MARK2: variants seen among roughly 807,000 people sequenced by gnomAD.
MARK2 encodes microtubule affinity regulating kinase 2.
A neutral mutation model predicts 89.8 loss-of-function variants in MARK2; 16 were observed. The observed-to-expected ratio is 0.18, with a 90% CI of 0.12 to 0.27. The LOEUF is 0.27. Ranked by LOEUF, MARK2 falls within the 10% of genes least tolerant of loss-of-function variation. MARK2 has a pLI of 1.00. For synonymous variants in MARK2, 382 were observed against 399.5 expected, an observed-to-expected ratio of 0.96 and a Z score of 0.52; for missense variants, 621 against 1,049.9, an observed-to-expected ratio of 0.59 and a Z score of 5.65.
chr11:63,891,409 A>G (rs1836498591), intron 1 of MARK2, among the ~76,000 whole-genome samples: 1 of 152,214 alleles, frequency 6.6e-6, no homozygotes. Flanking sequence ...AAGCTCCTTG[A>G]GGCCCACTTG....
chr11:63,844,797 C>A (rs1201284329), intron 1 of MARK2, among the ~76,000 whole-genome samples: 1 of 152,222 alleles, frequency 6.6e-6, no homozygotes, highest in Non-Finnish European at 1.5e-5. Context: ...CAACCCAATT[C>A]TCAGTGGGCA....
Position 63,903,231 on chromosome 11 carries a change from C to A in MARK2, c.1514+73C>A. 8.6e-7 allele frequency: 1 copy of A among 1,162,620 alleles called. No homozygotes were observed. The allele number at this position is 1,162,620 out of a possible 1,614,324, so 72.0% of individuals were successfully genotyped here. ...CACAGGGTGATGTCTGTCAGCAGCA[C>A]CGTCTCCTGTCCCTGCCAGCGCATT... is the stretch of plus-strand genomic sequence containing the variant. On this transcript the variant is annotated intron_variant, in intron 14 of 18. Coordinates refer to ENST00000402010, the MANE Select transcript of MARK2 (RefSeq NM_001039469.3). The surrounding 1 kb of genome is among the most constrained non-coding windows in gnomAD (Gnocchi z 5.1).
At chr11:63,899,350 C>G (rs1002408718) in intron 7 of MARK2, among the ~76,000 whole-genome samples, 2 of 152,014 alleles carry the variant, frequency 1.3e-5, no homozygotes, top group Admixed American at 6.6e-5. Flanking sequence ...AGCAGGGGCC[C>G]TCTGCCATTT....
intron 3 of MARK2, among the ~76,000 whole-genome samples, chr11:63,896,699 CA>C (rs1008011262): frequency 1.3e-5 from 2 of 152,158 alleles, no homozygotes; most frequent in African/African-American, 4.8e-5. Flanking sequence ...GGGATCCCTT[CA>C]AGGGTTCTTC....
chr11:63,886,054 G>A (rs533843702), intron 1 of MARK2, among the ~76,000 whole-genome samples: 5 of 149,870 alleles, frequency 3.3e-5, no homozygotes, highest in African/African-American at 7.4e-5. Context: ...ACTTGAACCC[G>A]GGAAGCAGAG....
chr11:63,902,676 C>T lies in MARK2; in HGVS notation c.1310C>T (p.Pro437Leu). 1 of 1,614,142 alleles carries T rather than the reference C, an allele frequency of 6.2e-7. No individual in the cohort carries two copies. The highest frequency in any genetic ancestry group is 8.5e-7 in the Non-Finnish European group (1 of 1,180,004). Reference sequence around the variant, plus strand: ...AGTAACAACGCAGAAAATAAGCGGCCTGAGGAGGACCGGGAGTCAGGGCGG... The same window carrying T: ...AGTAACAACGCAGAAAATAAGCGGCTTGAGGAGGACCGGGAGTCAGGGCGG... ...TQSNNAENKR[P>L]EEDRESGRKA... The change falls in exon 13 of 19, where the codon CCT becomes CTT. Residue 437 changes from proline to leucine, a missense_variant. Pro to Leu is a moderately conservative substitution (Grantham distance 98). Coordinates refer to ENST00000402010, the MANE Select transcript of MARK2 (RefSeq NM_001039469.3). This position sits in a 1 kb window ranked among gnomAD's most constrained non-coding sequence, Gnocchi z 4.2.
At chr11:63,897,737 TA>T (rs1010265312) in intron 3 of MARK2, among the ~76,000 whole-genome samples, 2 of 152,124 alleles carry the variant, frequency 1.3e-5, no homozygotes, top group African/African-American at 4.8e-5. Flanking sequence ...GTCACCACCC[TA>T]GAGGCCCAGG....
intron 1 of MARK2, among the ~76,000 whole-genome samples, chr11:63,847,658 T>C (rs138473598): frequency 1.3e-5 from 2 of 152,348 alleles, no homozygotes; most frequent in Non-Finnish European, 2.9e-5. Flanking sequence ...AAACACTGAA[T>C]GGGTCTCTGA....
In MARK2 at chr11:63,904,700, G is replaced by A; in HGVS notation, c.1677-86G>A. The stretch of plus-strand genomic sequence containing the variant: ...CCTCTGCCCTAGCATCCCCCTCCCT[G>A]TCCCCACCACAGGGTGTCCAGGTGC... On this transcript the variant is annotated intron_variant, in intron 15 of 18. Transcript: ENST00000402010. This position sits in a 1 kb window ranked among gnomAD's most constrained non-coding sequence, Gnocchi z 6.3. 1 of 1,215,180 alleles carries A rather than the reference G, an allele frequency of 8.2e-7. No homozygotes were observed. Among genetic ancestry groups the A allele is most frequent in the Non-Finnish European group, 1.2e-6 (1 of 831,902 alleles). 75.3% of individuals were successfully genotyped at this position (1,215,180 alleles called of 1,614,324 possible).
At chr11:63,863,406 C>T (rs962641224) in intron 1 of MARK2, among the ~76,000 whole-genome samples, 8 of 151,886 alleles carry the variant, frequency 5.3e-5, no homozygotes, top group Non-Finnish European at 1.2e-4. Flanking sequence ...TTTAAGATGC[C>T]AGCATGGGGT....
chr11:63,876,522 A>T (rs1418895885), intron 1 of MARK2, among the ~76,000 whole-genome samples: 1 of 152,206 alleles, frequency 6.6e-6, no homozygotes, highest in Non-Finnish European at 1.5e-5. Flanking sequence ...TGTCCTTGGT[A>T]GTTAGCATGA....
At chr11:63,843,402 G>A (rs1429164144) in intron 1 of MARK2, among the ~76,000 whole-genome samples, 3 of 152,148 alleles carry the variant, frequency 2.0e-5, no homozygotes, top group East Asian at 3.8e-4. Flanking sequence ...GAGGGATTGA[G>A]AGAAAACTTG....
chr11:63,852,157 A>G (rs1590971475), intron 1 of MARK2, among the ~76,000 whole-genome samples: 1 of 152,242 alleles, frequency 6.6e-6, no homozygotes, highest in East Asian at 1.9e-4. Context: ...CTTCTGGCTA[A>G]TGAAATGTGT....
Position 63,909,579 on chromosome 11 carries a change from G to C in MARK2, c.*342G>C. 1 of 176,182 alleles carries C rather than the reference G, an allele frequency of 5.7e-6. No homozygotes were observed. The allele number at this position is 176,182 out of a possible 1,614,324, so 10.9% of individuals were successfully genotyped here. A position where few individuals can be genotyped will look rare whatever the true frequency, so the allele number is the denominator to read the frequency against. ...CCAAGAAATTTTTTATTACCAAAAA[G>C]AAAAAAGAAAAAAAAAATCCCAGCG... On this transcript the variant is annotated 3_prime_UTR_variant, in exon 19 of 19. Coordinates refer to ENST00000402010, the MANE Select transcript of MARK2 (RefSeq NM_001039469.3).
chr11:63,905,540 G>A (rs1941257456), intron 16 of MARK2, among the ~76,000 whole-genome samples: 1 of 152,198 alleles, frequency 6.6e-6, no homozygotes, highest in South Asian at 2.1e-4. Context: ...GGGTTTTAGG[G>A]TGAAACCTAT....
chr11:63,890,921 TC>T (rs1939796717), intron 1 of MARK2, among the ~76,000 whole-genome samples: 2 of 152,218 alleles, frequency 1.3e-5, no homozygotes, highest in African/African-American at 4.8e-5. Flanking sequence ...ACTGCAGAGT[TC>T]CTCGGGATCC....
chr11:63,910,647 A>ATTTT lies in MARK2; in HGVS notation c.*1411_*1414dup, dbSNP rs1454725572. 5.5e-5 allele frequency: 2 copies of ATTTT among 36,184 alleles called. No homozygotes were observed. The highest frequency in any genetic ancestry group is 1.6e-3 in the South Asian group (1 of 642). 2.2% of individuals were successfully genotyped at this position (36,184 alleles called of 1,614,324 possible). ...GATGGGTTTTATTTTTTATTATTTT[A>ATTTT]TTTTATTTTTTTTTTTTTTGATTTA... is the stretch of plus-strand genomic sequence containing the variant. On this transcript the variant is annotated 3_prime_UTR_variant, in exon 19 of 19. Coordinates refer to ENST00000402010, the MANE Select transcript of MARK2 (RefSeq NM_001039469.3).
chr11:63,860,314 G>A (rs1199815078), intron 1 of MARK2, among the ~76,000 whole-genome samples: 1 of 152,174 alleles, frequency 6.6e-6, no homozygotes, highest in East Asian at 1.9e-4. Flanking sequence ...AGCACTTTGG[G>A]AGGCTGAGGC....
At chr11:63,908,388 TG>T in intron 18 of MARK2, 84 bp downstream of exon 18, 1 of 1,166,870 alleles carries the variant, frequency 8.6e-7, no homozygotes, top group Non-Finnish European at 1.2e-6. Context: ...TTCTGCCACT[TG>T]GCTCTTCCTC....
Sources: gnomAD v4.1 joint callset for allele counts (sites outside exome capture counted in the v4.1 genomes callset) on GRCh38, gnomAD v4.1.1 for gene constraint, Gnocchi (gnomAD v3.1) non-coding constraint, MANE v1.5 for transcripts, NCBI Gene and HGNC (gene_info 2026-07-23, HGNC 2026-07-21) for gene names.